Variants in BACH1 observed in about 807,000 individuals in gnomAD.
The protein encoded by BACH1 is BTB domain and CNC homolog 1.
BACH1 carries 35 observed loss-of-function variants against 52.9 expected under a neutral mutation model. That is an observed-to-expected ratio of 0.66 (90% CI 0.51 to 0.88). The LOEUF is 0.88. Among genes scored for constraint, BACH1 ranks in the 40% least tolerant of loss-of-function variants. BACH1 has a pLI of 0.00. For synonymous variants in BACH1, 321 were observed against 319.6 expected, an observed-to-expected ratio of 1.00 and a Z score of -0.05; for missense variants, 808 against 872.6, an observed-to-expected ratio of 0.93 and a Z score of 0.93.
chr21:29,357,478 G>T (rs1174590228), intron 2 of BACH1, among the ~76,000 whole-genome samples: 1 of 152,210 alleles, frequency 6.6e-6, no homozygotes, highest in Non-Finnish European at 1.5e-5. Flanking sequence ...CCCTCAATGA[G>T]TAGCGCCTGG....
chr21:29,327,978 C>T (rs2088935033), intron 3 of BACH1, among the ~76,000 whole-genome samples: 1 of 152,168 alleles, frequency 6.6e-6, no homozygotes, highest in African/African-American at 2.4e-5. Flanking sequence ...AAATCAAATG[C>T]CATGCTGCAA....
intron 1 of BACH1, among the ~76,000 whole-genome samples, 180 bp downstream of exon 1, chr21:29,299,133 C>T (rs1208198372): frequency 6.6e-6 from 1 of 151,274 alleles, no homozygotes; most frequent in Non-Finnish European, 1.5e-5. Flanking sequence ...GGGGCGCCGG[C>T]GGCCGGGATC....
At chr21:29,352,991 G>A (rs986890788) in intron 2 of BACH1, among the ~76,000 whole-genome samples, 1 of 152,116 alleles carries the variant, frequency 6.6e-6, no homozygotes, top group South Asian at 2.1e-4. Flanking sequence ...GAGATTACAG[G>A]CATGAGCCAC....
Position 29,342,820 on chromosome 21 carries a change from C to G in BACH1, c.2198C>G (p.Thr733Ser). 1.9e-6 allele frequency: 3 copies of G among 1,588,496 alleles called. No homozygotes were observed. The highest frequency in any genetic ancestry group is 2.6e-6 in the Non-Finnish European group (3 of 1,163,276). The change falls in exon 5 of 5, where the codon ACT becomes AGT. Residue 733 changes from threonine (T) to serine (S), a missense_variant. Transcript: ENST00000286800. ...DFCQQMTDKC[T>S]TDE ...TGTCAGCAGATGACTGATAAATGTA[C>G]TACTGATGAGTAAACTTGCATTCAC...
intron 2 of BACH1, among the ~76,000 whole-genome samples, chr21:29,358,222 T>G (rs761456056): frequency 7.2e-5 from 11 of 152,180 alleles, no homozygotes; most frequent in Non-Finnish European, 1.5e-4. Flanking sequence ...TTAAGAGTCA[T>G]CCAAACAACA....
intron 4 of BACH1, among the ~76,000 whole-genome samples, chr21:29,330,967 CA>C (rs1056409059): frequency 1.4e-5 from 2 of 145,046 alleles, no homozygotes; most frequent in African/African-American, 5.1e-5. Context: ...AAAAAAAAAA[CA>C]AAAAACCCAA....
At chr21:29,329,733 A>G (rs1226579195) in intron 4 of BACH1, 40 bp downstream of exon 4, 7 of 1,369,028 alleles carry the variant, frequency 5.1e-6, no homozygotes, top group Admixed American at 3.0e-5. Context: ...AAATTCCACC[A>G]CTTTCTTTTT....
intron 1 of BACH1, among the ~76,000 whole-genome samples, chr21:29,301,805 T>G (rs2123398398): frequency 6.6e-6 from 1 of 152,302 alleles, no homozygotes; most frequent in South Asian, 2.1e-4. Flanking sequence ...TTGCCAAGCT[T>G]ATGTTCTCTT....
intron 4 of BACH1, among the ~76,000 whole-genome samples, chr21:29,339,968 A>G (rs183153592): frequency 3.6e-4 from 55 of 152,256 alleles, no homozygotes; most frequent in African/African-American, 1.3e-3. Context: ...AAAATCCAGA[A>G]TGGTACCAGA....
chr21:29,342,345 T>C (rs959225235), intron 4 of BACH1, 54 bp from the exon 5 acceptor site: 4 of 1,512,450 alleles, frequency 2.6e-6, no homozygotes, highest in African/African-American at 2.8e-5. Flanking sequence ...GCCTTGGAAA[T>C]GTTGATTGAG....
intron 2 of BACH1, among the ~76,000 whole-genome samples, chr21:29,360,597 C>T (rs1202592546): frequency 6.6e-6 from 1 of 152,168 alleles, no homozygotes; most frequent in Non-Finnish European, 1.5e-5. Context: ...GTAATCCCAG[C>T]ACTTTGGGAG....
chr21:29,304,684 T>C (rs1209674748), intron 1 of BACH1, among the ~76,000 whole-genome samples: 3 of 152,184 alleles, frequency 2.0e-5, no homozygotes, highest in African/African-American at 7.2e-5. Flanking sequence ...TTATCTCTTC[T>C]TTTTATTGAT....
At chr21:29,319,656 G>A (rs1183914850) in intron 1 of BACH1, among the ~76,000 whole-genome samples, 1 of 148,968 alleles carries the variant, frequency 6.7e-6, no homozygotes, top group Non-Finnish European at 1.5e-5. Flanking sequence ...ATGAGCTATA[G>A]AAGTAAGATT....
At chr21:29,321,602 T>C (rs1349216959) in intron 2 of BACH1, 88 bp downstream of exon 2, 6 of 1,229,062 alleles carry the variant, frequency 4.9e-6, no homozygotes, top group Non-Finnish European at 6.7e-6. Context: ...CACAGTCTCC[T>C]TGTCAGGTGG....
intron 1 of BACH1, among the ~76,000 whole-genome samples, chr21:29,313,188 C>CA: frequency 6.6e-6 from 1 of 151,762 alleles, no homozygotes; most frequent in South Asian, 2.1e-4. Context: ...CGATAGCTGA[C>CA]AAGCTAGGAA....
At chr21:29,306,263 G>T (rs1200305468) in intron 1 of BACH1, among the ~76,000 whole-genome samples, 1 of 150,720 alleles carries the variant, frequency 6.6e-6, no homozygotes, top group Non-Finnish European at 1.5e-5. Flanking sequence ...CAACGTCCTT[G>T]TTTTGTCCTT....
chr21:29,353,477 G>C (rs947171880), intron 2 of BACH1, among the ~76,000 whole-genome samples: 6 of 152,134 alleles, frequency 3.9e-5, no homozygotes. Flanking sequence ...CTTTTTGTCA[G>C]AGGTCCCCTC....
chr21:29,306,990 T>C (rs2088665086), intron 1 of BACH1, among the ~76,000 whole-genome samples: 1 of 152,212 alleles, frequency 6.6e-6, no homozygotes, highest in African/African-American at 2.4e-5. Context: ...GGAGAACATA[T>C]AATTATATCT....
At chr21:29,315,203 A>C (rs2088772370) in intron 1 of BACH1, among the ~76,000 whole-genome samples, 1 of 152,184 alleles carries the variant, frequency 6.6e-6, no homozygotes, top group African/African-American at 2.4e-5. Flanking sequence ...CCACTTGAAA[A>C]ATTGAATGTA....
Sources: allele counts gnomAD v4.1 joint callset (sites outside exome capture counted in the v4.1 genomes callset), GRCh38; gene constraint gnomAD v4.1.1; transcripts MANE v1.5; gene names NCBI Gene and HGNC (gene_info 2026-07-23, HGNC 2026-07-21).